WWOX: variants seen among roughly 807,000 people sequenced by gnomAD.
WWOX encodes the protein WW domain containing oxidoreductase.
A neutral mutation model predicts 46.2 loss-of-function variants in WWOX; 69 were observed. The observed-to-expected ratio is 1.49, with a 90% CI of 1.23 to 1.82. WWOX has a LOEUF of 1.82. Among genes scored for constraint, WWOX ranks in the 40% most tolerant of loss-of-function variants. The pLI is 0.00. For missense variants in WWOX, 919 were observed against 542.6 expected (o/e 1.69, Z -6.89); for synonymous variants, 359 against 202.6 (o/e 1.77, Z -6.56).
intron 8 of WWOX, among the ~76,000 whole-genome samples, chr16:79,075,095 A>C (rs1218445041): frequency 6.6e-6 from 1 of 152,338 alleles, no homozygotes; most frequent in South Asian, 2.1e-4. Flanking sequence ...GGAATTCACT[A>C]CAACACTGTT....
chr16:78,335,780 G>T (rs2080875789), intron 5 of WWOX, among the ~76,000 whole-genome samples: 1 of 152,074 alleles, frequency 6.6e-6, no homozygotes, highest in Admixed American at 6.6e-5. Flanking sequence ...ACTGAGGTGG[G>T]CCCCAAAACT....
chr16:78,764,537 T>G (rs939679166), intron 8 of WWOX, among the ~76,000 whole-genome samples: 1 of 143,288 alleles, frequency 7.0e-6, no homozygotes, highest in Non-Finnish European at 1.5e-5. Flanking sequence ...TTCTGCCTCT[T>G]GTGTTGACAT....
At chr16:78,570,135 T>C (rs1299096959) in intron 8 of WWOX, among the ~76,000 whole-genome samples, 4 of 152,238 alleles carry the variant, frequency 2.6e-5, no homozygotes, top group African/African-American at 9.6e-5. Flanking sequence ...AGGAAATCCT[T>C]GTGGCCTTGT....
At chr16:78,952,709 C>T (rs2046086480) in intron 8 of WWOX, among the ~76,000 whole-genome samples, 2 of 152,086 alleles carry the variant, frequency 1.3e-5, no homozygotes. Flanking sequence ...TTATTAATTC[C>T]TATTTTTCCC....
chr16:79,168,853 C>T (rs1175660998), intron 8 of WWOX, among the ~76,000 whole-genome samples: 3 of 152,150 alleles, frequency 2.0e-5, no homozygotes, highest in Admixed American at 1.3e-4. Flanking sequence ...TCAGCTGTGG[C>T]CTCGAGTTCC....
intron 8 of WWOX, among the ~76,000 whole-genome samples, chr16:78,846,379 T>G (rs1486123435): frequency 6.6e-6 from 1 of 152,156 alleles, no homozygotes; most frequent in Non-Finnish European, 1.5e-5. Context: ...ACCTGGCATT[T>G]ATTATCATAT....
At chr16:78,323,971 T>C (rs1374502189) in intron 5 of WWOX, among the ~76,000 whole-genome samples, 2 of 152,168 alleles carry the variant, frequency 1.3e-5, no homozygotes, top group Non-Finnish European at 2.9e-5. Context: ...GTGCTAGGCA[T>C]TTTTGGATGC....
chr16:78,621,095 C>T (rs1042867818), intron 8 of WWOX, among the ~76,000 whole-genome samples: 2 of 152,132 alleles, frequency 1.3e-5, no homozygotes, highest in South Asian at 4.1e-4. Flanking sequence ...CACCTTGGTC[C>T]ACAGTTTATC....
intron 8 of WWOX, among the ~76,000 whole-genome samples, chr16:78,961,708 T>C (rs1036090798): frequency 3.3e-5 from 5 of 152,170 alleles, no homozygotes; most frequent in Admixed American, 2.0e-4. Flanking sequence ...ATATTCTGGG[T>C]ATCACTTCCT....
rs577594641 is a variant in WWOX at position 78,398,951 on chromosome 16, G to C, written c.605+12003G>C. 7.9e-5 allele frequency among the ~76,000 whole-genome samples: 12 copies of C among 152,296 alleles called. No individual in the cohort carries two copies. The East Asian group carries it at 2.1e-3, about 27-fold the overall frequency. On this transcript the variant is annotated intron_variant, in intron 6 of 8. Transcript: ENST00000566780. The stretch of plus-strand genomic sequence containing the variant: ...TTCTAGTACAAGGAAGGGGATGGGT[G>C]GCTGGCTGGCTAGGTGGATAGAAGG...
rs34201735 is a variant in WWOX at position 78,731,862 on chromosome 16, T to TTTTTG, written c.1056+299111_1056+299112insTTTGT. 5.0e-3 allele frequency among the ~76,000 whole-genome samples: 684 copies of TTTTTG among 137,566 alleles called. 13 individuals are homozygous for TTTTTG. The highest frequency in any genetic ancestry group is 0.011 in the Middle Eastern group (3 of 264). The allele number at this position is 137,566 out of a possible 152,430, so 90.2% of individuals were successfully genotyped here. On this transcript the variant is annotated intron_variant, in intron 8 of 8. Coordinates refer to ENST00000566780, the MANE Select transcript of WWOX (RefSeq NM_016373.4). ...TTCTTTCTCTTTTTTTTTTTTTTTT[T>TTTTTG]TGAGAGACAGGGTCTTGCTTTATAG... is the stretch of plus-strand genomic sequence containing the variant.
intron 8 of WWOX, among the ~76,000 whole-genome samples, chr16:79,041,403 A>G (rs1436708625): frequency 6.6e-6 from 1 of 151,756 alleles, no homozygotes; most frequent in Non-Finnish European, 1.5e-5. Context: ...TCCACCCACC[A>G]CGCCCCTTGC....
In WWOX at chr16:78,969,024, G is replaced by A. The variant is rs146968576; in HGVS notation, c.1057-242584G>A. The stretch of plus-strand genomic sequence containing the variant: ...AGATGGACTGCCTGGAACCCGGGGA[G>A]TGGCTCAGCTACCAGGCTCCAGTGG... On this transcript the variant is annotated intron_variant, in intron 8 of 8. Coordinates refer to ENST00000566780, the MANE Select transcript of WWOX (RefSeq NM_016373.4). Among the ~76,000 whole-genome samples the A allele has an allele frequency of 1.9e-4, 29 of 152,214 alleles. No individual in the cohort carries two copies. The East Asian group carries it at 3.5e-3, about 18-fold the overall frequency.
At chr16:78,812,696 A>T (rs974759335) in intron 8 of WWOX, among the ~76,000 whole-genome samples, 1 of 152,090 alleles carries the variant, frequency 6.6e-6, no homozygotes, top group Non-Finnish European at 1.5e-5. Flanking sequence ...ACTGCACTGC[A>T]GCCTGGGTGA....
chr16:79,063,086 C>T (rs145034799), intron 8 of WWOX, among the ~76,000 whole-genome samples: 1 of 152,306 alleles, frequency 6.6e-6, no homozygotes, highest in African/African-American at 2.4e-5. Flanking sequence ...GTTGGTGCCG[C>T]GCCAAATCTC....
At chr16:78,696,556 A>G (rs971444355) in intron 8 of WWOX, among the ~76,000 whole-genome samples, 6 of 152,070 alleles carry the variant, frequency 3.9e-5, no homozygotes, top group Admixed American at 6.6e-5. Context: ...TGCAGCTCCC[A>G]GTGATCACAA....
At chr16:79,149,381 C>G (rs2050236463) in intron 8 of WWOX, among the ~76,000 whole-genome samples, 1 of 152,100 alleles carries the variant, frequency 6.6e-6, no homozygotes, top group African/African-American at 2.4e-5. Flanking sequence ...GAATAAATCC[C>G]ACTTGGTCAT....
chr16:79,164,247 C>G (rs1228715588), intron 8 of WWOX, among the ~76,000 whole-genome samples: 2 of 152,202 alleles, frequency 1.3e-5, no homozygotes, highest in Non-Finnish European at 2.9e-5. Flanking sequence ...GATGCCCCAC[C>G]ACTACCACGC....
In WWOX at chr16:78,099,886, G is replaced by T. The variant is rs1300924648; in HGVS notation, c.107+1G>T. 1.3e-6 allele frequency: 2 copies of T among 1,561,674 alleles called. No homozygotes were observed. The highest frequency in any genetic ancestry group is 2.7e-5 in the African/African-American group (2 of 73,304). On this transcript the variant is annotated splice_donor_variant, in intron 1 of 8. Transcript: ENST00000566780. LOFTEE classifies it high-confidence loss of function. ...AGGACGGCTGGGTTTACTACGCCAAGTAAGGGGGCCGCAGTGGGGCCGCGG... is the reference window on the plus strand; with the variant it reads ...AGGACGGCTGGGTTTACTACGCCAATTAAGGGGGCCGCAGTGGGGCCGCGG...
Sources: allele counts gnomAD v4.1 joint callset (sites outside exome capture counted in the v4.1 genomes callset), GRCh38; gene constraint gnomAD v4.1.1; transcripts MANE v1.5; gene names NCBI Gene and HGNC (gene_info 2026-07-23, HGNC 2026-07-21).